CNTNAP2: variants seen among roughly 807,000 people sequenced by gnomAD.
CNTNAP2 encodes the protein contactin-associated protein-like 2.
A neutral mutation model predicts 155.2 loss-of-function variants in CNTNAP2; 98 were observed. The observed-to-expected ratio is 0.63, with a 90% CI of 0.54 to 0.75. CNTNAP2 has a LOEUF of 0.75. Ranked by LOEUF, CNTNAP2 falls within the 30% of genes least tolerant of loss-of-function variation. The pLI is 0.00. For synonymous variants in CNTNAP2, 651 were observed against 631.2 expected (o/e 1.03, Z -0.47); for missense variants, 1,727 against 1,688.1 (o/e 1.02, Z -0.40).
intron 1 of CNTNAP2, among the ~76,000 whole-genome samples, chr7:146,493,837 T>C (rs775778508): frequency 1.3e-4 from 20 of 152,076 alleles, no homozygotes; most frequent in Non-Finnish European, 2.5e-4. Context: ...CAATATAGAA[T>C]GAGGAAACAT....
intron 1 of CNTNAP2, among the ~76,000 whole-genome samples, chr7:146,706,274 G>A (rs750852210): frequency 1.2e-4 from 19 of 152,114 alleles, no homozygotes; most frequent in Non-Finnish European, 2.6e-4. Context: ...CGATATTTGA[G>A]CAAACTGAAC....
chr7:146,826,061 GA>G (rs748293011), intron 2 of CNTNAP2, among the ~76,000 whole-genome samples: 4 of 151,952 alleles, frequency 2.6e-5, no homozygotes, highest in Non-Finnish European at 4.4e-5. Flanking sequence ...TTTTAGAGCT[GA>G]GCCTCTGCCC....
chr7:147,858,163 C>T (rs1344277780), intron 13 of CNTNAP2, among the ~76,000 whole-genome samples: 2 of 152,196 alleles, frequency 1.3e-5, no homozygotes, highest in South Asian at 2.1e-4. Context: ...TCTTGGCTTA[C>T]TGCAACCTCC....
intron 9 of CNTNAP2, among the ~76,000 whole-genome samples, chr7:147,365,397 A>C (rs1210111689): frequency 2.7e-5 from 4 of 150,660 alleles, no homozygotes; most frequent in Non-Finnish European, 4.4e-5. Flanking sequence ...AAAAAAAAAA[A>C]AAAAAAAAAA....
chr7:146,940,410 G>A (rs1354863720), intron 3 of CNTNAP2, among the ~76,000 whole-genome samples: 4 of 151,570 alleles, frequency 2.6e-5, no homozygotes, highest in African/African-American at 9.7e-5. Flanking sequence ...TGTCCAGGAT[G>A]TCTTGATCTC....
intron 15 of CNTNAP2, among the ~76,000 whole-genome samples, chr7:148,076,596 C>T (rs766248848): frequency 1.1e-4 from 16 of 151,560 alleles, no homozygotes; most frequent in African/African-American, 2.9e-4. Flanking sequence ...CCACCATGCC[C>T]GGCTAATTTT....
In CNTNAP2 at chr7:146,364,989, C is replaced by T. The variant is rs989677882; in HGVS notation, c.97+248016C>T. Among the ~76,000 whole-genome samples the T allele has an allele frequency of 2.0e-5, 3 of 152,104 alleles. No homozygotes were observed. In the East Asian group the frequency reaches 5.8e-4, roughly 29 times the overall value. ...TATAAATGGTTGTCAAATTTACAAG[C>T]CCTTACTATAAAATCCCAGGAGAAC... is the stretch of plus-strand genomic sequence containing the variant. On this transcript the variant is annotated intron_variant, in intron 1 of 23. Transcript: ENST00000361727.
At chr7:147,062,156 A>C (rs1209132262) in intron 4 of CNTNAP2, among the ~76,000 whole-genome samples, 2 of 138,708 alleles carry the variant, frequency 1.4e-5, no homozygotes, top group African/African-American at 2.8e-5. Flanking sequence ...AAAAAAAAAA[A>C]AAAAAAAAAA....
intron 1 of CNTNAP2, among the ~76,000 whole-genome samples, chr7:146,188,356 CA>C (rs1221002696): frequency 6.6e-6 from 1 of 152,178 alleles, no homozygotes; most frequent in Non-Finnish European, 1.5e-5. Flanking sequence ...ATTAAGGCTG[CA>C]AGAGAGCTTG....
chr7:147,739,009 T>C (rs1796908015), intron 13 of CNTNAP2, among the ~76,000 whole-genome samples: 1 of 152,118 alleles, frequency 6.6e-6, no homozygotes, highest in East Asian at 1.9e-4. Flanking sequence ...GACTGTTTTG[T>C]AGTATTCACT....
chr7:146,649,206 A>G (rs1585024298), intron 1 of CNTNAP2, among the ~76,000 whole-genome samples: 4 of 152,098 alleles, frequency 2.6e-5, no homozygotes, highest in Admixed American at 1.3e-4. Context: ...AATGACTGCT[A>G]TTTTCAAGAT....
chr7:148,119,251 C>T (rs1397094046), intron 16 of CNTNAP2, among the ~76,000 whole-genome samples: 5 of 151,998 alleles, frequency 3.3e-5, no homozygotes, highest in Non-Finnish European at 7.4e-5. Context: ...CGGCCAGGCA[C>T]GGTGGCTCAC....
intron 1 of CNTNAP2, among the ~76,000 whole-genome samples, chr7:146,275,305 T>C (rs756971677): frequency 1.3e-5 from 2 of 152,168 alleles, no homozygotes; most frequent in African/African-American, 2.4e-5. Flanking sequence ...TGTTAAAAAA[T>C]AGTAACTTAA....
At chr7:148,260,919 TAGTA>T (rs1796548021) in intron 20 of CNTNAP2, among the ~76,000 whole-genome samples, 2 of 151,594 alleles carry the variant, frequency 1.3e-5, no homozygotes, top group Non-Finnish European at 3.0e-5. Context: ...GAACAAAAAG[TAGTA>T]ATTTTGAAAA....
chr7:147,693,336 C>T (rs1225716012), intron 13 of CNTNAP2, among the ~76,000 whole-genome samples: 1 of 151,966 alleles, frequency 6.6e-6, no homozygotes, highest in Non-Finnish European at 1.5e-5. Context: ...TATGTTGCCC[C>T]TTTACATAAT....
rs114910858 is a variant in CNTNAP2 at position 147,487,303 on chromosome 7, T to A, written c.1777+1262T>A. Among the ~76,000 whole-genome samples, 506 of 152,268 alleles carry A rather than the reference T, an allele frequency of 3.3e-3. 4 individuals are homozygous for A. Among genetic ancestry groups the A allele is most frequent in the African/African-American group, 0.012 (491 of 41,510 alleles). ...ATTGATACTAGATTCATTATCTGTG[T>A]TTACATATATGAAAGTATTTTAATG... On this transcript the variant is annotated intron_variant, in intron 11 of 23. Coordinates refer to ENST00000361727, the MANE Select transcript of CNTNAP2 (RefSeq NM_014141.6).
intron 1 of CNTNAP2, among the ~76,000 whole-genome samples, chr7:146,578,810 T>C (rs542412151): frequency 6.6e-6 from 1 of 152,310 alleles, no homozygotes; most frequent in South Asian, 2.1e-4. Context: ...ACTGTGGGTT[T>C]GTTACTCGCT....
chr7:146,874,495 A>G (rs1795380309), intron 3 of CNTNAP2, among the ~76,000 whole-genome samples: 1 of 152,060 alleles, frequency 6.6e-6, no homozygotes, highest in African/African-American at 2.4e-5. Flanking sequence ...ACCTGCCATC[A>G]TGCCTGGCTA....
chr7:147,327,614 T>C (rs1392202153), intron 9 of CNTNAP2, among the ~76,000 whole-genome samples: 1 of 152,192 alleles, frequency 6.6e-6, no homozygotes, highest in African/African-American at 2.4e-5. Flanking sequence ...GCATTCCTTT[T>C]GTAGCTGTCT....
Sources: allele counts gnomAD v4.1 joint callset (sites outside exome capture counted in the v4.1 genomes callset), GRCh38; gene constraint gnomAD v4.1.1; transcripts MANE v1.5; gene names NCBI Gene and HGNC (gene_info 2026-07-23, HGNC 2026-07-21).